The following GRIK4 variants were observed in gnomAD, a reference collection of about 807,000 sequenced individuals.
GRIK4 encodes the protein glutamate ionotropic receptor kainate type subunit 4.
A neutral mutation model predicts 104.9 loss-of-function variants in GRIK4; 40 were observed. The observed-to-expected ratio is 0.38, with a 90% CI of 0.30 to 0.50. The LOEUF (loss-of-function observed/expected upper bound fraction) is 0.50, where lower values mean the gene tolerates loss of function less well. GRIK4 is among the 20% of genes least tolerant of loss of function. The pLI, the probability that GRIK4 is intolerant of heterozygous loss-of-function variation, is 0.93. For synonymous variants in GRIK4, 485 were observed against 524.9 expected (o/e 0.92, Z 1.04); for missense variants, 1,047 against 1,308.1 (o/e 0.80, Z 3.08).
At chr11:120,973,621 CT>C (rs1944511416) in intron 19 of GRIK4, among the ~76,000 whole-genome samples, 1 of 152,222 alleles carries the variant, frequency 6.6e-6, no homozygotes, top group Admixed American at 6.5e-5. Flanking sequence ...AGGACTTCAG[CT>C]ACTGTCCCAG....
chr11:120,523,228 G>A (rs1015094022), intron 1 of GRIK4, among the ~76,000 whole-genome samples: 11 of 151,038 alleles, frequency 7.3e-5, no homozygotes, highest in South Asian at 2.1e-4. Flanking sequence ...GAAACGTAAC[G>A]GTCCTGCCAG....
At chr11:120,932,449 G>A (rs1191333444) in intron 13 of GRIK4, among the ~76,000 whole-genome samples, 6 of 146,510 alleles carry the variant, frequency 4.1e-5, no homozygotes, top group Non-Finnish European at 9.0e-5. Context: ...TCCTCATCCA[G>A]AGCCAAATGT....
intron 1 of GRIK4, among the ~76,000 whole-genome samples, chr11:120,649,367 A>G (rs1949587915): frequency 6.6e-6 from 1 of 152,078 alleles, no homozygotes; most frequent in East Asian, 1.9e-4. Context: ...AAAAGCACTG[A>G]TGTGCACCAG....
intron 8 of GRIK4, among the ~76,000 whole-genome samples, chr11:120,841,527 G>C (rs1023649975): frequency 6.6e-6 from 1 of 152,180 alleles, no homozygotes; most frequent in Admixed American, 6.5e-5. Flanking sequence ...CGATGGACAC[G>C]TGGGTCGCCT....
chr11:120,848,732 T>A (rs1275883163), intron 8 of GRIK4, among the ~76,000 whole-genome samples: 1 of 152,180 alleles, frequency 6.6e-6, no homozygotes, highest in Admixed American at 6.5e-5. Flanking sequence ...ACCCTGGGGA[T>A]GCAGGATCAC....
intron 1 of GRIK4, among the ~76,000 whole-genome samples, chr11:120,529,168 G>C (rs114604054): frequency 2.8e-3 from 413 of 149,434 alleles, no homozygotes; most frequent in African/African-American, 9.8e-3. Flanking sequence ...CCCAACCCTC[G>C]TTCCCTTTGG....
At chr11:120,581,869 T>C (rs1373848696) in intron 1 of GRIK4, among the ~76,000 whole-genome samples, 2 of 151,834 alleles carry the variant, frequency 1.3e-5, no homozygotes, top group African/African-American at 2.4e-5. Context: ...TGCAGTGGCG[T>C]GATCTCGGCT....
intron 13 of GRIK4, among the ~76,000 whole-genome samples, chr11:120,934,170 A>G (rs1260202092): frequency 7.1e-6 from 1 of 140,558 alleles, no homozygotes. Context: ...ACGCCACTGC[A>G]CTCCAGGCTG....
intron 3 of GRIK4, among the ~76,000 whole-genome samples, chr11:120,741,312 A>ACTG (rs34924223): frequency 0.069 from 8,370 of 120,570 alleles, 272 homozygotes; most frequent in South Asian, 0.14. Flanking sequence ...ACGGAGTCTC[A>ACTG]CTGTCACCCA....
intron 1 of GRIK4, among the ~76,000 whole-genome samples, chr11:120,530,844 C>A (rs774322785): frequency 6.6e-6 from 1 of 152,178 alleles, no homozygotes; most frequent in Admixed American, 6.5e-5. Context: ...GAGGAGAACT[C>A]TGATTGTTAG....
intron 1 of GRIK4, among the ~76,000 whole-genome samples, chr11:120,641,280 T>G (rs1949469044): frequency 6.6e-6 from 1 of 152,184 alleles, no homozygotes; most frequent in Non-Finnish European, 1.5e-5. Flanking sequence ...AGTATAAAGA[T>G]TTTTTTGTTA....
chr11:120,722,154 C>T (rs1950943977), intron 3 of GRIK4, among the ~76,000 whole-genome samples: 1 of 152,148 alleles, frequency 6.6e-6, no homozygotes, highest in South Asian at 2.1e-4. Context: ...CTGAGCAAGC[C>T]AGCACACAAA....
chr11:120,853,863 C>T (rs1252250529), intron 8 of GRIK4, among the ~76,000 whole-genome samples: 2 of 152,200 alleles, frequency 1.3e-5, no homozygotes, highest in Non-Finnish European at 2.9e-5. Flanking sequence ...TGCTTTGACA[C>T]CACCTCCTAG....
chr11:120,907,827 G>A (rs958816312), intron 13 of GRIK4, among the ~76,000 whole-genome samples: 3 of 152,082 alleles, frequency 2.0e-5, no homozygotes, highest in Admixed American at 6.6e-5. Context: ...AGGATGGGTG[G>A]GAGTTTCCTG....
intron 3 of GRIK4, among the ~76,000 whole-genome samples, chr11:120,691,332 A>T (rs1464480343): frequency 6.6e-6 from 1 of 152,166 alleles, no homozygotes; most frequent in Admixed American, 6.5e-5. Flanking sequence ...TGGAAGGAGG[A>T]GGGAACCAAT....
At chr11:120,899,068 G>A (rs565205789) in intron 12 of GRIK4, among the ~76,000 whole-genome samples, 207 of 152,252 alleles carry the variant, frequency 1.4e-3, no homozygotes, top group Non-Finnish European at 1.6e-3. Flanking sequence ...GAATGTCAGT[G>A]GGTTTACATG....
intron 3 of GRIK4, among the ~76,000 whole-genome samples, chr11:120,730,057 G>T (rs975827929): frequency 6.6e-6 from 1 of 152,096 alleles, no homozygotes; most frequent in Non-Finnish European, 1.5e-5. Flanking sequence ...CACCTTTGTT[G>T]AAAATGAGTT....
At chr11:120,867,943 T>C (rs1487854682) in intron 9 of GRIK4, 4 of 152,170 alleles carry the variant, frequency 2.6e-5, no homozygotes, top group Non-Finnish European at 5.9e-5. Flanking sequence ...TGTTTGTAAT[T>C]AAGTGTTTAT....
chr11:120,693,260 A>G lies in GRIK4; in HGVS notation c.82+32860A>G, dbSNP rs529943928. ...GCTGGGATTATAGGCATGCACCACC[A>G]TGCCTGGCTAATTTTTATATTTTTA... On this transcript the variant is annotated intron_variant, in intron 3 of 20. Transcript: ENST00000527524. Among the ~76,000 whole-genome samples the G allele has an allele frequency of 9.9e-5, 15 of 151,456 alleles. No individual in the cohort carries two copies. The East Asian group carries it at 2.7e-3, about 28-fold the overall frequency.
Sources: allele counts gnomAD v4.1 joint callset (sites outside exome capture counted in the v4.1 genomes callset), GRCh38; gene constraint gnomAD v4.1.1; transcripts MANE v1.5; gene names NCBI Gene and HGNC (gene_info 2026-07-23, HGNC 2026-07-21).